PCDH15: variants seen among roughly 807,000 people sequenced by gnomAD.
PCDH15 encodes the protein protocadherin related 15.
In PCDH15, 129 loss-of-function variants were observed where a neutral mutation model predicts 178.5. That is an observed-to-expected ratio of 0.72 (90% CI 0.63 to 0.84). The LOEUF (loss-of-function observed/expected upper bound fraction) is 0.84, where lower values mean the gene tolerates loss of function less well. PCDH15 is among the 40% of genes least tolerant of loss of function. The pLI is 0.00. For synonymous variants in PCDH15, 800 were observed against 732.0 expected, an observed-to-expected ratio of 1.09 and a Z score of -1.50; for missense variants, 2,230 against 2,099.9, an observed-to-expected ratio of 1.06 and a Z score of -1.21.
At chr10:55,307,108 T>A (rs1423180311) in intron 1 of PCDH15, among the ~76,000 whole-genome samples, 1 of 151,962 alleles carries the variant, frequency 6.6e-6, no homozygotes, top group African/African-American at 2.4e-5. Context: ...ATGTAATATG[T>A]ATTTTATATA....
At chr10:53,952,890 T>C (rs990325137) in intron 23 of PCDH15, among the ~76,000 whole-genome samples, 1 of 152,248 alleles carries the variant, frequency 6.6e-6, no homozygotes, top group Admixed American at 6.5e-5. Context: ...TGCTCGGGGC[T>C]TGATGACAGC....
intron 1 of PCDH15, among the ~76,000 whole-genome samples, chr10:54,760,982 T>C (rs1263305295): frequency 6.6e-6 from 1 of 152,132 alleles, no homozygotes; most frequent in African/African-American, 2.4e-5. Context: ...TTCAACTATA[T>C]TGGCTCGAAT....
At chr10:53,993,957 C>T (rs866437773) in intron 21 of PCDH15, among the ~76,000 whole-genome samples, 3 of 152,108 alleles carry the variant, frequency 2.0e-5, no homozygotes, top group African/African-American at 7.2e-5. Flanking sequence ...AATTATTAAA[C>T]GCTAAAAATT....
intron 8 of PCDH15, among the ~76,000 whole-genome samples, 155 bp downstream of exon 8, chr10:54,317,116 C>G (rs2061325103): frequency 6.6e-6 from 1 of 152,168 alleles, no homozygotes; most frequent in South Asian, 2.1e-4. Flanking sequence ...AAAATGTATT[C>G]ATACTCCCTG....
intron 1 of PCDH15, among the ~76,000 whole-genome samples, chr10:55,216,211 A>G (rs1028435062): frequency 2.0e-5 from 3 of 151,928 alleles, no homozygotes; most frequent in African/African-American, 7.3e-5. Context: ...TTGTCCTTAT[A>G]TAAATCTTCT....
At chr10:55,402,466 C>A (rs1292849812) in intron 2 of PCDH15, among the ~76,000 whole-genome samples, 3 of 151,872 alleles carry the variant, frequency 2.0e-5, no homozygotes, top group Admixed American at 2.0e-4. Flanking sequence ...AGAACTTATT[C>A]TTTCTGTCTA....
At chr10:53,823,496 A>AAGAC (rs201505594) in intron 32 of PCDH15, 22,644 of 862,296 alleles carry the variant, frequency 0.026, 430 homozygotes, top group Middle Eastern at 0.05. Context: ...CTACTAAAGC[A>AAGAC]AGACATTATT....
intron 18 of PCDH15, among the ~76,000 whole-genome samples, chr10:54,054,527 T>C (rs369890377): frequency 1.7e-4 from 26 of 152,146 alleles, no homozygotes; most frequent in Non-Finnish European, 3.1e-4. Flanking sequence ...ATATCATTCA[T>C]TGTATAGCTG....
chr10:54,366,312 A>AT (rs1209958966), intron 5 of PCDH15, among the ~76,000 whole-genome samples: 2 of 152,058 alleles, frequency 1.3e-5, no homozygotes, highest in South Asian at 2.1e-4. Context: ...ACTGTGAACG[A>AT]TTTTTTTGGA....
intron 5 of PCDH15, among the ~76,000 whole-genome samples, chr10:54,356,879 C>G (rs1467485342): frequency 2.0e-5 from 3 of 152,046 alleles, no homozygotes; most frequent in Non-Finnish European, 4.4e-5. Context: ...TAAATGTAAT[C>G]CCCCATATAA....
intron 1 of PCDH15, among the ~76,000 whole-genome samples, chr10:54,759,809 C>T (rs1463312496): frequency 2.6e-5 from 4 of 152,142 alleles, no homozygotes; most frequent in African/African-American, 7.2e-5. Flanking sequence ...CCTACACTGA[C>T]GTTTGGGGGC....
At chr10:54,655,261 AGAG>A (rs2094359003) in intron 2 of PCDH15, among the ~76,000 whole-genome samples, 3 of 71,988 alleles carry the variant, frequency 4.2e-5, no homozygotes, top group Non-Finnish European at 6.5e-5. Context: ...AAAGAAAGAG[AGAG>A]AGAGAGAGAG....
chr10:54,832,626 A>C (rs1278454860), intron 3 of PCDH15, among the ~76,000 whole-genome samples: 2 of 152,188 alleles, frequency 1.3e-5, no homozygotes, highest in South Asian at 2.1e-4. Context: ...CTGATTATCT[A>C]CTTTATTTCC....
chr10:54,469,847 C>G (rs2077776127), intron 3 of PCDH15, among the ~76,000 whole-genome samples: 1 of 152,114 alleles, frequency 6.6e-6, no homozygotes, highest in Non-Finnish European at 1.5e-5. Flanking sequence ...GTGGCTGTGA[C>G]AGGCTGCAAT....
chr10:53,894,092 A>G (rs1220308172), intron 26 of PCDH15, among the ~76,000 whole-genome samples: 3 of 152,344 alleles, frequency 2.0e-5, no homozygotes, highest in East Asian at 1.9e-4. Flanking sequence ...ACAAACACCA[A>G]TTTGAAATGT....
At chr10:55,341,762 CATATATATAT>C (rs775413614) in intron 2 of PCDH15, among the ~76,000 whole-genome samples, 847 of 43,298 alleles carry the variant, frequency 0.02, 3 homozygotes, top group African/African-American at 0.02. Context: ...CATACATATG[CATATATATAT>C]ATATATATAT....
At chr10:54,094,265 G>A (rs546355911) in intron 15 of PCDH15, among the ~76,000 whole-genome samples, 17 of 152,334 alleles carry the variant, frequency 1.1e-4, no homozygotes, top group African/African-American at 3.8e-4. Context: ...CATGGTAGTG[G>A]AGGAAAATGA....
intron 15 of PCDH15, among the ~76,000 whole-genome samples, chr10:54,102,824 C>T (rs2094836686): frequency 2.0e-5 from 3 of 152,142 alleles, no homozygotes; most frequent in Admixed American, 6.5e-5. Context: ...CACTATAAGA[C>T]AGATCCGAGC....
At chr10:54,887,139 T>C (rs781011038) in intron 3 of PCDH15, among the ~76,000 whole-genome samples, 8 of 152,138 alleles carry the variant, frequency 5.3e-5, no homozygotes, top group Non-Finnish European at 1.0e-4. Context: ...GAAAGTCAAT[T>C]AGGGCACCAC....
Sources: gnomAD v4.1 joint callset for allele counts (sites outside exome capture counted in the v4.1 genomes callset) on GRCh38, gnomAD v4.1.1 for gene constraint, MANE v1.5 for transcripts, NCBI Gene and HGNC (gene_info 2026-07-23, HGNC 2026-07-21) for gene names.